MMP25: variants seen among roughly 807,000 people sequenced by gnomAD.
The protein encoded by MMP25 is matrix metalloproteinase-25.
MMP25 carries 68 observed loss-of-function variants against 62.1 expected under a neutral mutation model. That is an observed-to-expected ratio of 1.10 (90% CI 0.90 to 1.34). MMP25 has a LOEUF of 1.34. Among genes scored for constraint, MMP25 ranks in the 40% most tolerant of loss-of-function variants. The pLI is 0.00. For synonymous variants in MMP25, 407 were observed against 345.6 expected (o/e 1.18, Z -1.97); for missense variants, 942 against 792.5 (o/e 1.19, Z -2.26).
At position 3,058,284 on chromosome 16, in the gene MMP25, G is replaced by T. The variant is rs758984656; in HGVS notation, c.1110G>T (p.Val370=). 2.5e-6 allele frequency: 4 copies of T among 1,608,436 alleles called. No individual in the cohort carries two copies. The South Asian group carries it at 4.4e-5, about 18-fold the overall frequency. The change falls in exon 8 of 10, where the codon GTG becomes GTT. Residue 370 remains valine (V), a synonymous_variant. Transcript: ENST00000336577. ...GGCTGCCCGCCCAGGTGAGGGTGGT[G>T]CAGGCCGCCTATGCTCGGCACCGAG... ...WEGLPAQVRV[V]QAAYARHRDG... is the part of the protein sequence containing the mutation.
In MMP25 at chr16:3,057,527, C is replaced by A; in HGVS notation, c.924-4C>A. ...TCTCTACTCACCTCTCCTTTCCTCC[C>A]CAGCCCATCCTTCCCCATCCCTGAT... On this transcript the variant is annotated splice_region_variant and splice_polypyrimidine_tract_variant and intron_variant, in intron 6 of 9. Coordinates refer to ENST00000336577, the MANE Select transcript of MMP25 (RefSeq NM_022468.5). 1 of 1,613,830 alleles carries A rather than the reference C, an allele frequency of 6.2e-7. No homozygotes were observed. The highest frequency in any genetic ancestry group is 8.5e-7 in the Non-Finnish European group (1 of 1,179,754).
At chr16:3,055,944 A>G (rs1261540462) in intron 4 of MMP25, 2 of 455,520 alleles carry the variant, frequency 4.4e-6, no homozygotes, top group South Asian at 1.6e-5. Context: ...TGAGCGCCTG[A>G]GCTGAATACA....
chr16:3,056,595 G>A (rs1956013218), intron 4 of MMP25, among the ~76,000 whole-genome samples: 2 of 151,844 alleles, frequency 1.3e-5, no homozygotes, highest in Admixed American at 1.3e-4. Context: ...AAATTTTTTT[G>A]TAGAGATGGG....
chr16:3,058,620 C>G lies in MMP25; in HGVS notation c.1368C>G (p.Leu456=). Residue 456 remains leucine, a synonymous_variant, in exon 9 of 10, where the codon CTC becomes CTG. Coordinates refer to ENST00000336577, the MANE Select transcript of MMP25 (RefSeq NM_022468.5). ...PDPGYPRDLS[L]WEGAPPSPDD... ...CCGGCTACCCTCGCGACCTGAGCCT[C>G]TGGGAAGGCGCGCCCCCCTCCCCTG... is the stretch of plus-strand genomic sequence containing the variant. 3 of 1,606,770 alleles carry G rather than the reference C, an allele frequency of 1.9e-6. No homozygotes were observed. The highest frequency in any genetic ancestry group is 2.5e-6 in the Non-Finnish European group (3 of 1,177,396).
rs577945548 is a variant in MMP25, at chr16:3,047,817, A to G, written c.232+270A>G. Among the ~76,000 whole-genome samples, 7 of 149,304 alleles carry G rather than the reference A, an allele frequency of 4.7e-5. No individual in the cohort carries two copies. The South Asian group carries it at 1.5e-3, about 32-fold the overall frequency. ...TGAGACCAGCTTGGCCAACAAAGTG[A>G]GACCCCCCCACTCTCCAAGGATTTT... On this transcript the variant is annotated intron_variant, in intron 2 of 9. Coordinates refer to ENST00000336577, the MANE Select transcript of MMP25 (RefSeq NM_022468.5).
Position 3,058,341 on chromosome 16 carries a change from G to T in MMP25, c.1159+8G>T. The T allele has an allele frequency of 6.5e-7, 1 of 1,541,266 alleles. No individual in the cohort carries two copies. The highest frequency in any genetic ancestry group is 2.4e-5 in the East Asian group (1 of 41,462). On this transcript the variant is annotated splice_region_variant and intron_variant, in intron 8 of 9. Coordinates refer to ENST00000336577, the MANE Select transcript of MMP25 (RefSeq NM_022468.5). ...GAATCCTCCTCTTTAGCGGTGAGTG[G>T]GGCCGGCGGCGGGGCGCGCTGGGGC...
In MMP25 at chr16:3,057,387, A is replaced by G; in HGVS notation, c.916A>G (p.Thr306Ala). The G allele has an allele frequency of 1.2e-6, 2 of 1,612,296 alleles. No homozygotes were observed. Among genetic ancestry groups the G allele is most frequent in the South Asian group, 2.2e-5 (2 of 90,826 alleles). Residue 306 changes from threonine to alanine, a missense_variant, in exon 6 of 10, where the codon ACA becomes GCA. By Grantham distance (58) the Thr-to-Ala change is moderately conservative. Transcript: ENST00000336577. ...APPPQPPASP[T>A]HSPSFPIPDR... is the part of the protein sequence containing the mutation. Reference sequence around the variant, plus strand: ...TCCGCCCCAGCCCCCGGCCTCGCCCACACACAGGTGAGTCCCCCACCAACT... The same window carrying G: ...TCCGCCCCAGCCCCCGGCCTCGCCCGCACACAGGTGAGTCCCCCACCAACT...
chr16:3,059,026 C>T lies in MMP25; in HGVS notation c.1617C>T (p.Ala539=). Residue 539 remains alanine, a synonymous_variant, in exon 10 of 10, where the codon GCC becomes GCT. Coordinates refer to ENST00000336577, the MANE Select transcript of MMP25 (RefSeq NM_022468.5). ...ATTGTCAGTGCGAGCTCAACCAGGCCGCAGGACGTTGGCCTGCTCCCATCC... is the reference window on the plus strand; with the variant it reads ...ATTGTCAGTGCGAGCTCAACCAGGCTGCAGGACGTTGGCCTGCTCCCATCC... The part of the protein sequence containing the change: ...TCDCQCELNQ[A]AGRWPAPIPL... The T allele has an allele frequency of 6.4e-7, 1 of 1,555,498 alleles. No homozygotes were observed. Among genetic ancestry groups the T allele is most frequent in the Non-Finnish European group, 8.7e-7 (1 of 1,149,326 alleles).
rs766370272 is a variant in MMP25, at chr16:3,050,004, C to T, written c.233-5C>T. On this transcript the variant is annotated splice_region_variant and splice_polypyrimidine_tract_variant and intron_variant, in intron 2 of 9. Transcript: ENST00000336577. ...ACACCCCCCACCGCCAAATGTCTCC[C>T]GCAGACCCAGGGACAGTGGCCACCA... The T allele has an allele frequency of 7.5e-5, 120 of 1,608,516 alleles. No homozygotes were observed. Among genetic ancestry groups the T allele is most frequent in the East Asian group, 4.2e-4 (19 of 44,888 alleles).
Position 3,050,295 on chromosome 16 carries a change from C to T in MMP25, c.410C>T (p.Thr137Ile). 1 of 1,609,432 alleles carries T rather than the reference C, an allele frequency of 6.2e-7. No homozygotes were observed. The highest frequency in any genetic ancestry group is 8.5e-7 in the Non-Finnish European group (1 of 1,176,792). Residue 137 changes from threonine (T) to isoleucine (I), a missense_variant, in exon 4 of 10, where the codon ACC becomes ATC. Transcript: ENST00000336577. ...CAGAGCTCCCAGCTGAGCCAGGAGA[C>T]CGTGCGGGTCCTCATGAGCTATGCC... ...FPQSSQLSQETVRVLMSYALM... is the reference protein window; with the variant it reads ...FPQSSQLSQEIVRVLMSYALM...
In MMP25 at chr16:3,058,633, C is replaced by G. The variant is rs979400890; in HGVS notation, c.1381C>G (p.Pro461Ala). The G allele has an allele frequency of 3.1e-6, 5 of 1,604,834 alleles. No individual in the cohort carries two copies. The highest frequency in any genetic ancestry group is 4.3e-6 in the Non-Finnish European group (5 of 1,176,458). ...PRDLSLWEGA[P>A]PSPDDVTVSN... ...CGACCTGAGCCTCTGGGAAGGCGCG[C>G]CCCCCTCCCCTGACGATGTCACCGT... Residue 461 changes from proline to alanine, a missense_variant, in exon 9 of 10, where the codon CCC (proline) becomes GCC (alanine). Transcript: ENST00000336577.
chr16:3,058,408 G>T lies in MMP25; in HGVS notation c.1160-4G>T. The T allele has an allele frequency of 6.5e-7, 1 of 1,543,354 alleles. No individual in the cohort carries two copies. Among genetic ancestry groups the T allele is most frequent in the Non-Finnish European group, 8.7e-7 (1 of 1,144,640 alleles). Reference sequence around the variant, plus strand: ...CCCCTGACCTCCCGGCCTCCACCCTGCAGGGCCCCAGTTCTGGGTGTTCCA... The same window carrying T: ...CCCCTGACCTCCCGGCCTCCACCCTTCAGGGCCCCAGTTCTGGGTGTTCCA... On this transcript the variant is annotated splice_polypyrimidine_tract_variant and splice_region_variant and intron_variant, in intron 8 of 9. Transcript: ENST00000336577.
At chr16:3,048,058 C>T (rs1371746271) in intron 2 of MMP25, among the ~76,000 whole-genome samples, 1 of 152,128 alleles carries the variant, frequency 6.6e-6, no homozygotes, top group Non-Finnish European at 1.5e-5. Flanking sequence ...AGGCTGGTTT[C>T]GAACTCCTGG....
At chr16:3,056,061 G>A (rs1469074968) in intron 4 of MMP25, 6 of 412,732 alleles carry the variant, frequency 1.5e-5, no homozygotes, top group Non-Finnish European at 2.9e-5. Context: ...GGAAGACCTG[G>A]GGTGGGGGTG....
chr16:3,058,712 G>C (rs79530442), intron 9 of MMP25, 43 bp downstream of exon 9: 157,390 of 1,559,918 alleles, frequency 0.1, 9,689 homozygotes, highest in African/African-American at 0.26. Context: ...CCTGGGGGTG[G>C]GGAGAGGGAT....
chr16:3,060,329 C>T lies in MMP25; in HGVS notation c.*1231C>T, dbSNP rs1596225499. 5 of 152,402 alleles carry T rather than the reference C, an allele frequency of 3.3e-5. No homozygotes were observed. Among genetic ancestry groups the T allele is most frequent in the Admixed American group, 6.6e-5 (1 of 15,264 alleles). 9.4% of individuals were successfully genotyped at this position (152,402 alleles called of 1,614,324 possible). A position where few individuals can be genotyped will look rare whatever the true frequency, so the allele number is the denominator to read the frequency against. The stretch of plus-strand genomic sequence containing the variant: ...TCGCGGGGATTGTGGGGGGCAGTAG[C>T]TGGCTGTTTCGTGGCATTTCTGTGG... On this transcript the variant is annotated 3_prime_UTR_variant, in exon 10 of 10. Transcript: ENST00000336577.
In MMP25 at chr16:3,058,630, G is replaced by T; in HGVS notation, c.1378G>T (p.Ala460Ser). Residue 460 changes from alanine to serine, a missense_variant, in exon 9 of 10, where the codon GCG becomes TCG. By Grantham distance (99) the Ala-to-Ser change is moderately conservative. Transcript: ENST00000336577. The part of the protein sequence containing the change: ...YPRDLSLWEG[A>S]PPSPDDVTVS... ...TCGCGACCTGAGCCTCTGGGAAGGC[G>T]CGCCCCCCTCCCCTGACGATGTCAC... 6.2e-7 allele frequency: 1 copy of T among 1,605,794 alleles called. No homozygotes were observed. The highest frequency in any genetic ancestry group is 8.5e-7 in the Non-Finnish European group (1 of 1,176,970).
At position 3,050,401 on chromosome 16, in the gene MMP25, C is replaced by T. The variant is rs1045419503; in HGVS notation, c.516C>T (p.Ile172=). The change falls in exon 4 of 10, where the codon ATC becomes ATT. Residue 172 remains isoleucine (I), a synonymous_variant. Transcript: ENST00000336577. ...AGGGCCAGGAGCCCGACATCCTCAT[C>T]GACTTTGCCCGCGCCTTCCACCAGG... ...SPQGQEPDIL[I]DFARAFHQDS... 1.4e-5 allele frequency: 23 copies of T among 1,613,952 alleles called. No individual in the cohort carries two copies. Among genetic ancestry groups the T allele is most frequent in the East Asian group, 8.9e-5 (4 of 44,892 alleles).
intron 2 of MMP25, among the ~76,000 whole-genome samples, chr16:3,049,450 C>A (rs550212570): frequency 1.3e-5 from 2 of 152,136 alleles, no homozygotes; most frequent in Non-Finnish European, 2.9e-5. Context: ...ATAAATGAGG[C>A]GCAGTTTGAC....
Sources: gnomAD v4.1 joint callset for allele counts (sites outside exome capture counted in the v4.1 genomes callset) on GRCh38, gnomAD v4.1.1 for gene constraint, MANE v1.5 for transcripts, NCBI Gene and HGNC (gene_info 2026-07-23, HGNC 2026-07-21) for gene names.